The following TNK1 variants were observed in gnomAD, a reference collection of about 807,000 sequenced individuals.
TNK1 encodes non-receptor tyrosine-protein kinase TNK1.
A neutral mutation model predicts 65.2 loss-of-function variants in TNK1; 53 were observed. That is an observed-to-expected ratio of 0.81 (90% confidence interval 0.65 to 1.02). The LOEUF is 1.02. Ranked by LOEUF, TNK1 falls within the 50% of genes least tolerant of loss-of-function variation. The pLI, the probability that TNK1 is intolerant of heterozygous loss-of-function variation, is 0.00. For synonymous variants in TNK1, 353 were observed against 364.6 expected (o/e 0.97, Z 0.36); for missense variants, 837 against 878.4 (o/e 0.95, Z 0.60).
At position 7,388,969 on chromosome 17, in the gene TNK1, A is replaced by G. The variant is rs1476231668; in HGVS notation, c.1873-2A>G. On this transcript the variant is annotated splice_acceptor_variant, in intron 12 of 12. Coordinates refer to ENST00000688331, the MANE Select transcript of TNK1 (RefSeq NM_003985.6). LOFTEE classifies it high-confidence loss of function. The surrounding 1 kb of genome is among the most constrained non-coding windows in gnomAD (Gnocchi z 4.5). ...CTGCAACCCACCCTCCTGCTTCCAC[A>G]GGTAGATCAGCTCTTCCACCTGAGT... 1.3e-6 allele frequency: 2 copies of G among 1,553,998 alleles called. No individual in the cohort carries two copies. The highest frequency in any genetic ancestry group is 2.0e-5 in the Admixed American group (1 of 51,236).
chr17:7,384,777 G>A (rs1278158512), intron 7 of TNK1, 23 bp downstream of exon 7: 14 of 1,557,642 alleles, frequency 9.0e-6, no homozygotes, highest in Non-Finnish European at 8.6e-6. Flanking sequence ...GACCTCACCA[G>A]ATACACAGTC....
intron 7 of TNK1, 67 bp from the exon 8 acceptor site, chr17:7,386,494 C>A: frequency 1.6e-6 from 2 of 1,270,320 alleles, no homozygotes; most frequent in South Asian, 1.3e-5. Context: ...CCTCTTTATT[C>A]CTGCTCCCAT....
chr17:7,387,099 C>T lies in TNK1; in HGVS notation c.1342C>T (p.Pro448Ser). Reference protein sequence around the residue: ...ADAGGLPATRPVHRGTPARGD... With the variant: ...ADAGGLPATRSVHRGTPARGD... ...TGCGGGGGGCTTGCCAGCCACCCGT[C>T]CAGTCCACAGAGGCACCCCTGCCCG... The change falls in exon 9 of 13, where the codon CCA becomes TCA. Residue 448 changes from proline (P) to serine (S), a missense_variant. By Grantham distance (74) the Pro-to-Ser change is moderately conservative. Coordinates refer to ENST00000688331, the MANE Select transcript of TNK1 (RefSeq NM_003985.6). 2 of 1,612,438 alleles carry T rather than the reference C, an allele frequency of 1.2e-6. No homozygotes were observed. The highest frequency in any genetic ancestry group is 2.2e-5 in the South Asian group (2 of 90,808).
At chr17:7,385,296 C>T (rs530971079) in intron 7 of TNK1, among the ~76,000 whole-genome samples, 2 of 143,926 alleles carry the variant, frequency 1.4e-5, no homozygotes, top group African/African-American at 5.2e-5. Context: ...ACCTGGGAGG[C>T]AGAGGTTGCG....
chr17:7,388,612 A>G lies in TNK1; in HGVS notation c.1684A>G (p.Asn562Asp). The G allele has an allele frequency of 6.2e-7, 1 of 1,613,800 alleles. No homozygotes were observed. Among genetic ancestry groups the G allele is most frequent in the Non-Finnish European group, 8.5e-7 (1 of 1,179,850 alleles). ...LPWPKRKPPH[N>D]HPMGMPGARK... ...CTGGCCCAAAAGAAAACCCCCACAC[A>G]ATCACCCCATGGGAATGCCTGGAGC... Residue 562 changes from asparagine (N) to aspartate (D), a missense_variant, in exon 11 of 13, where the codon AAT becomes GAT. Physicochemically the swap from Asn to Asp is conservative, Grantham distance 23. Coordinates refer to ENST00000688331, the MANE Select transcript of TNK1 (RefSeq NM_003985.6). This position sits in a 1 kb window ranked among gnomAD's most constrained non-coding sequence, Gnocchi z 4.5.
At chr17:7,387,697 C>T (rs1353342495) in intron 10 of TNK1, among the ~76,000 whole-genome samples, 17 of 151,898 alleles carry the variant, frequency 1.1e-4, no homozygotes, top group Admixed American at 7.2e-4. Context: ...CTCCACCTCC[C>T]GGGTTCAAGC....
rs1282315374 is a variant in TNK1 at position 7,382,455 on chromosome 17, C to A, written c.-91-381C>A. Among the ~76,000 whole-genome samples, 3 of 152,022 alleles carry A rather than the reference C, an allele frequency of 2.0e-5. No individual in the cohort carries two copies. The highest frequency in any genetic ancestry group is 7.3e-5 in the African/African-American group (3 of 41,360). On this transcript the variant is annotated intron_variant, in intron 1 of 12. Transcript: ENST00000688331. The surrounding 1 kb of genome is among the most constrained non-coding windows in gnomAD (Gnocchi z 4.1). ...GAGCATCTCCAGTGTGTGTGGTAGGCAAACATGTCTCATGTTGGAGGAAGG... is the reference window on the plus strand; with the variant it reads ...GAGCATCTCCAGTGTGTGTGGTAGGAAAACATGTCTCATGTTGGAGGAAGG...
chr17:7,383,593 T>C lies in TNK1; in HGVS notation c.403T>C (p.Trp135Arg). 2 of 1,605,954 alleles carry C rather than the reference T, an allele frequency of 1.2e-6. No homozygotes were observed. Among genetic ancestry groups the C allele is most frequent in the Non-Finnish European group, 1.7e-6 (2 of 1,175,168 alleles). The change falls in exon 4 of 13, where the codon TGG becomes CGG. Residue 135 changes from tryptophan to arginine, a missense_variant. Physicochemically the swap from Trp to Arg is moderately radical, Grantham distance 101. Transcript: ENST00000688331. The stretch of plus-strand genomic sequence containing the variant: ...CTTCGGTGTGGTGCACCGAGGGCTG[T>C]GGACGCTGCCCAGTGGCAAGAGTGT... ...GCFGVVHRGL[W>R]TLPSGKSVPV...
Position 7,388,487 on chromosome 17 carries a change from A to G in TNK1, c.1559A>G (p.Gln520Arg). The G allele has an allele frequency of 6.2e-7, 1 of 1,613,856 alleles. No homozygotes were observed. The highest frequency in any genetic ancestry group is 8.5e-7 in the Non-Finnish European group (1 of 1,179,850). The change falls in exon 11 of 13, where the codon CAA (glutamine) becomes CGA (arginine). Residue 520 changes from glutamine to arginine, a missense_variant. Transcript: ENST00000688331. This position sits in a 1 kb window ranked among gnomAD's most constrained non-coding sequence, Gnocchi z 4.5. ...GGGSSPPEIR[Q>R]ARAVPQGPPG... Reference sequence around the variant, plus strand: ...GGTTCAAGCCCCCCTGAAATTCGACAAGCCAGAGCTGTGCCCCAGGGACCT... The same window carrying G: ...GGTTCAAGCCCCCCTGAAATTCGACGAGCCAGAGCTGTGCCCCAGGGACCT...
At chr17:7,386,936 A>C in intron 8 of TNK1, 54 bp from the exon 9 acceptor site, 1 of 1,488,278 alleles carries the variant, frequency 6.7e-7, no homozygotes, top group Non-Finnish European at 9.0e-7. Context: ...GCCAGGGCCC[A>C]GCCCTAACTC....
upstream of TNK1, chr17:7,380,905 C>T (rs1904769936): frequency 6.6e-6 from 1 of 152,238 alleles, no homozygotes; most frequent in Admixed American, 6.5e-5. Context: ...TTCTCACAGT[C>T]GGGGCGATCT....
At chr17:7,380,458 T>A (rs1904744148), upstream of TNK1, 2 of 152,438 alleles carry the variant, frequency 1.3e-5, no homozygotes, top group South Asian at 4.1e-4. Flanking sequence ...GAGCAGGCGT[T>A]ACGCTGGAAG....
In TNK1 at chr17:7,387,080, G is replaced by C; in HGVS notation, c.1323G>C (p.Gly441=). The C allele has an allele frequency of 1.2e-6, 2 of 1,613,162 alleles. No homozygotes were observed. The highest frequency in any genetic ancestry group is 2.7e-5 in the African/African-American group (2 of 75,046). Residue 441 remains glycine, a synonymous_variant, in exon 9 of 13, where the codon GGG becomes GGC. Coordinates refer to ENST00000688331, the MANE Select transcript of TNK1 (RefSeq NM_003985.6). The part of the protein sequence containing the change: ...PASAVTLADA[G]GLPATRPVHR... ...CGGCAGTGACGCTGGCAGATGCGGG[G>C]GGCTTGCCAGCCACCCGTCCAGTCC...
upstream of TNK1, among the ~76,000 whole-genome samples, chr17:7,380,140 G>A (rs1301825970): frequency 6.6e-6 from 1 of 152,178 alleles, no homozygotes; most frequent in Non-Finnish European, 1.5e-5. Context: ...GGAGGAAGAA[G>A]AGGACCCGAG....
Position 7,382,093 on chromosome 17 carries a change from C to A in TNK1, c.-91-743C>A, listed in dbSNP as rs1009066012. On this transcript the variant is annotated intron_variant, in intron 1 of 12. Transcript: ENST00000688331. This position sits in a 1 kb window ranked among gnomAD's most constrained non-coding sequence, Gnocchi z 4.1. ...CCAGCCTGGCCAATATGGTGAAACCCCATCTCTACTAAAAATACAAAAAAT... is the reference window on the plus strand; with the variant it reads ...CCAGCCTGGCCAATATGGTGAAACCACATCTCTACTAAAAATACAAAAAAT... 1.3e-5 allele frequency among the ~76,000 whole-genome samples: 2 copies of A among 152,136 alleles called. No homozygotes were observed. Among genetic ancestry groups the A allele is most frequent in the Admixed American group, 1.3e-4 (2 of 15,282 alleles).
At chr17:7,385,725 TG>T (rs1905150836) in intron 7 of TNK1, among the ~76,000 whole-genome samples, 1 of 151,744 alleles carries the variant, frequency 6.6e-6, no homozygotes, top group Non-Finnish European at 1.5e-5. Flanking sequence ...CCACCACGCC[TG>T]GCTAATTTTT....
At chr17:7,385,505 C>T (rs1218087623) in intron 7 of TNK1, among the ~76,000 whole-genome samples, 1 of 152,152 alleles carries the variant, frequency 6.6e-6, no homozygotes, top group Admixed American at 6.5e-5. Flanking sequence ...GTGCACTTTA[C>T]ATGGGCGCTT....
In TNK1 at chr17:7,384,596, G is replaced by A. The variant is rs770114220; in HGVS notation, c.979G>A (p.Val327Ile). 74 of 1,612,406 alleles carry A rather than the reference G, an allele frequency of 4.6e-5. No individual in the cohort carries two copies. The Admixed American group carries it at 1.2e-3, about 27-fold the overall frequency. Reference protein sequence around the residue: ...FSGGEEPWAGVPPYLILQRLE... With the variant: ...FSGGEEPWAGIPPYLILQRLE... ...CGGGGGCGAGGAACCCTGGGCCGGG[G>A]TCCCACCGTACCTCATCCTGCAGCG... is the stretch of plus-strand genomic sequence containing the variant. Residue 327 changes from valine to isoleucine, a missense_variant, in exon 7 of 13, where the codon GTC (valine) becomes ATC (isoleucine). Transcript: ENST00000688331.
upstream of TNK1, chr17:7,380,513 G>A (rs1904748779): frequency 6.6e-6 from 1 of 152,274 alleles, no homozygotes. Context: ...CCTGAGGCAT[G>A]GAATGCTGCC....
Sources: allele counts gnomAD v4.1 joint callset (sites outside exome capture counted in the v4.1 genomes callset), GRCh38; gene constraint gnomAD v4.1.1; non-coding constraint Gnocchi (gnomAD v3.1); transcripts MANE v1.5; gene names NCBI Gene and HGNC (gene_info 2026-07-23, HGNC 2026-07-21).